Variants in HFM1 observed in about 807,000 individuals in gnomAD.
HFM1 encodes the protein probable ATP-dependent DNA helicase HFM1.
A neutral mutation model predicts 192.1 loss-of-function variants in HFM1; 169 were observed. The ratio of observed to expected loss-of-function variants is 0.88; its 90% CI spans 0.78 to 1.00. The LOEUF (loss-of-function observed/expected upper bound fraction) is 1.00, where lower values mean the gene tolerates loss of function less well. Among genes scored for constraint, HFM1 ranks in the 50% least tolerant of loss-of-function variants. The pLI is 0.00. For synonymous variants in HFM1, 525 were observed against 537.8 expected, an observed-to-expected ratio of 0.98 and a Z score of 0.33; for missense variants, 1,661 against 1,668.0, an observed-to-expected ratio of 1.00 and a Z score of 0.07.
intron 30 of HFM1, among the ~76,000 whole-genome samples, chr1:91,278,678 G>GGT (rs1428733113): frequency 6.6e-6 from 1 of 152,134 alleles, no homozygotes; most frequent in Non-Finnish European, 1.5e-5. Flanking sequence ...TGCAGCCTAG[G>GGT]GTAAATGGAT....
chr1:91,268,846 A>G (rs1178995669), intron 34 of HFM1, among the ~76,000 whole-genome samples: 1 of 152,050 alleles, frequency 6.6e-6, no homozygotes, highest in Non-Finnish European at 1.5e-5. Flanking sequence ...GTTGTTTGAT[A>G]TTTTTGTTGA....
In HFM1 at chr1:91,368,666, A is replaced by G. The variant is rs532243117; in HGVS notation, c.1685+6692T>C. ...AACATGCCAAATTGTAAAGACCATC[A>G]AGGCTAGGAAGAAACTGCATCCACT... is the stretch of plus-strand genomic sequence containing the variant. On this transcript the variant is annotated intron_variant, in intron 13 of 38. Coordinates refer to ENST00000370425, the MANE Select transcript of HFM1 (RefSeq NM_001017975.6). Among the ~76,000 whole-genome samples the G allele has an allele frequency of 2.9e-3, 449 of 152,224 alleles. 2 individuals carry two copies. The highest frequency in any genetic ancestry group is 0.01 in the African/African-American group (415 of 41,476).
At chr1:91,377,805 G>A (rs1479613121) in intron 11 of HFM1, 10 of 520,706 alleles carry the variant, frequency 1.9e-5, no homozygotes, top group Non-Finnish European at 3.3e-5. Flanking sequence ...ACTAGCAAAC[G>A]AGATGTCCAC....
chr1:91,361,296 A>C (rs1658471924), intron 13 of HFM1, among the ~76,000 whole-genome samples: 1 of 152,128 alleles, frequency 6.6e-6, no homozygotes, highest in Non-Finnish European at 1.5e-5. Flanking sequence ...CACAATATAT[A>C]GACTGCTAGC....
chr1:91,363,688 T>A lies in HFM1; in HGVS notation c.1686-10389A>T, dbSNP rs972903259. The stretch of plus-strand genomic sequence containing the variant: ...GACCTAGCAATCCCATTACTGGGTA[T>A]ATACCCAAAGGAATATAAATTATTA... On this transcript the variant is annotated intron_variant, in intron 13 of 38. Transcript: ENST00000370425. Among the ~76,000 whole-genome samples, 5 of 152,358 alleles carry A rather than the reference T, an allele frequency of 3.3e-5. No homozygotes were observed. In the East Asian group the frequency reaches 9.6e-4, roughly 29 times the overall value.
intron 15 of HFM1, 33 bp from the exon 16 acceptor site, chr1:91,352,684 C>T: frequency 6.6e-7 from 1 of 1,510,550 alleles, no homozygotes. Context: ...AATTTTGAGC[C>T]ATTTAACTTT....
intron 32 of HFM1, among the ~76,000 whole-genome samples, chr1:91,275,382 T>C (rs1666715073): frequency 6.6e-6 from 1 of 152,166 alleles, no homozygotes; most frequent in African/African-American, 2.4e-5. Context: ...AATTGTCATC[T>C]ACATGTGAAT....
chr1:91,272,713 G>A (rs1032812538), intron 34 of HFM1, among the ~76,000 whole-genome samples: 1 of 152,018 alleles, frequency 6.6e-6, no homozygotes, highest in African/African-American at 2.4e-5. Context: ...TAAATGCTCT[G>A]GTTCTCCAGG....
intron 20 of HFM1, among the ~76,000 whole-genome samples, chr1:91,342,151 A>AAAAAAAAAC (rs58288889): frequency 8.9e-5 from 10 of 111,824 alleles, no homozygotes; most frequent in Middle Eastern, 5.8e-3. Context: ...AAAAAAAAAA[A>AAAAAAAAAC]TTCAGGCGAA....
intron 20 of HFM1, among the ~76,000 whole-genome samples, chr1:91,340,433 T>C (rs1188148086): frequency 6.6e-6 from 1 of 152,230 alleles, no homozygotes; most frequent in Non-Finnish European, 1.5e-5. Flanking sequence ...GCATCAGACC[T>C]GTCTTATGAG....
chr1:91,273,328 T>C (rs976681954), intron 34 of HFM1, among the ~76,000 whole-genome samples: 6 of 152,064 alleles, frequency 3.9e-5, no homozygotes, highest in Admixed American at 1.3e-4. Flanking sequence ...AAGGTCACAT[T>C]GATATTTTGT....
At chr1:91,381,131 T>C in intron 6 of HFM1, 149 bp from the exon 7 acceptor site, 2 of 564,574 alleles carry the variant, frequency 3.5e-6, no homozygotes, top group South Asian at 2.2e-5. Context: ...AAAAGAATTA[T>C]CATAAATTAT....
At chr1:91,282,657 T>C (rs553695976) in intron 30 of HFM1, among the ~76,000 whole-genome samples, 78 of 152,204 alleles carry the variant, frequency 5.1e-4, no homozygotes, top group Non-Finnish European at 9.1e-4. Context: ...GGTAGTCTAA[T>C]TCCAGAGACT....
chr1:91,308,855 G>GTTAC (rs1650025681), intron 30 of HFM1, among the ~76,000 whole-genome samples: 1 of 152,182 alleles, frequency 6.6e-6, no homozygotes, highest in South Asian at 2.1e-4. Flanking sequence ...CAAACATGGT[G>GTTAC]AGTGGCTGAT....
intron 2 of HFM1, among the ~76,000 whole-genome samples, chr1:91,400,577 C>A (rs989751975): frequency 3.3e-5 from 5 of 151,648 alleles, no homozygotes; most frequent in African/African-American, 1.2e-4. Context: ...CGCCTCCGGG[C>A]TTCAAGCAAT....
intron 30 of HFM1, among the ~76,000 whole-genome samples, chr1:91,287,914 C>T (rs371126473): frequency 2.0e-5 from 3 of 151,840 alleles, no homozygotes; most frequent in East Asian, 1.9e-4. Flanking sequence ...AGGGTATCAG[C>T]GATGGAAGAT....
intron 1 of HFM1, 178 bp downstream of exon 1, chr1:91,404,620 G>A (rs1368727323): frequency 7.7e-6 from 2 of 258,926 alleles, no homozygotes; most frequent in East Asian, 1.8e-4. Context: ...GCTGGCGCGG[G>A]CCGGCGGCCT....
chr1:91,313,882 C>T, intron 29 of HFM1, 75 bp downstream of exon 29: 1 of 737,792 alleles, frequency 1.4e-6, no homozygotes. Flanking sequence ...TTTTTCTGTA[C>T]CAGCATAAAG....
intron 20 of HFM1, among the ~76,000 whole-genome samples, chr1:91,341,500 A>G (rs1051524060): frequency 6.6e-6 from 1 of 152,124 alleles, no homozygotes; most frequent in Admixed American, 6.5e-5. Flanking sequence ...CACATTAGCA[A>G]CCTCACTAAT....
Sources: allele counts gnomAD v4.1 joint callset (sites outside exome capture counted in the v4.1 genomes callset), GRCh38; gene constraint gnomAD v4.1.1; transcripts MANE v1.5; gene names NCBI Gene and HGNC (gene_info 2026-07-23, HGNC 2026-07-21).